Variants in SLC7A2 observed in about 807,000 individuals in gnomAD.
SLC7A2 encodes the protein cationic amino acid transporter 2.
In SLC7A2, 48 loss-of-function variants were observed where a neutral mutation model predicts 58.9. The ratio of observed to expected loss-of-function variants is 0.82; its 90% CI spans 0.65 to 1.04. The LOEUF is 1.04. SLC7A2 is among the 50% of genes least tolerant of loss of function. SLC7A2 has a pLI of 0.00. For missense variants in SLC7A2, 1,029 were observed against 818.8 expected, an observed-to-expected ratio of 1.26 and a Z score of -3.13; for synonymous variants, 363 against 314.5, an observed-to-expected ratio of 1.15 and a Z score of -1.63.
intron 2 of SLC7A2, among the ~76,000 whole-genome samples, chr8:17,517,749 C>G (rs1800859463): frequency 6.6e-6 from 1 of 152,068 alleles, no homozygotes. Flanking sequence ...TTTTACAATT[C>G]TGAAGTCTTT....
chr8:17,508,182 A>C (rs1299592903), intron 2 of SLC7A2, among the ~76,000 whole-genome samples: 4 of 152,300 alleles, frequency 2.6e-5, no homozygotes, highest in South Asian at 4.1e-4. Flanking sequence ...AACCAAACAA[A>C]AAAAGAGCAG....
At position 17,564,963 on chromosome 8, in the gene SLC7A2, CT is replaced by C; in HGVS notation, c.1798del (p.Ser600LeufsTer12). On this transcript the variant is annotated frameshift_variant, in exon 13 of 13. Coordinates refer to ENST00000494857, the MANE Select transcript of SLC7A2 (RefSeq NM_001370338.1). LOFTEE classifies it high-confidence loss of function. ...CTGCCCCAACAGGCTTCCTGATTTACTTTTCTTATGGCATTAGACACAGCCT... is the reference window on the plus strand; with the variant it reads ...CTGCCCCAACAGGCTTCCTGATTTACTTTCTTATGGCATTAGACACAGCCT... ...IWMAIGFLIY[F>X]SYGIRHSLEG... The C allele has an allele frequency of 6.4e-7, 1 of 1,574,648 alleles. No individual in the cohort carries two copies. Among genetic ancestry groups the C allele is most frequent in the Non-Finnish European group, 8.6e-7 (1 of 1,164,196 alleles).
chr8:17,517,252 A>G (rs1800839520), intron 2 of SLC7A2, among the ~76,000 whole-genome samples: 1 of 152,190 alleles, frequency 6.6e-6, no homozygotes, highest in Admixed American at 6.5e-5. Context: ...GGTTCCTGAT[A>G]TTATCAGAGG....
At chr8:17,517,675 A>G (rs1217979521) in intron 2 of SLC7A2, among the ~76,000 whole-genome samples, 1 of 151,910 alleles carries the variant, frequency 6.6e-6, no homozygotes, top group Non-Finnish European at 1.5e-5. Context: ...TAACTATTAC[A>G]TTTTCAGTTT....
intron 12 of SLC7A2, 84 bp from the exon 13 acceptor site, chr8:17,564,866 G>C (rs1047088920): frequency 8.8e-7 from 1 of 1,142,720 alleles, no homozygotes; most frequent in African/African-American, 1.6e-5. Context: ...ACTCTATTAA[G>C]TTCTACATTT....
intron 2 of SLC7A2, among the ~76,000 whole-genome samples, chr8:17,535,133 A>G (rs77605203): frequency 0.062 from 9,504 of 152,186 alleles, 340 homozygotes; most frequent in African/African-American, 0.092. Context: ...TATTGCCACC[A>G]GGGTCAAGTT....
intron 2 of SLC7A2, among the ~76,000 whole-genome samples, chr8:17,516,967 C>T (rs949895305): frequency 3.3e-5 from 5 of 152,174 alleles, no homozygotes; most frequent in African/African-American, 1.2e-4. Context: ...TCCCTGTCCC[C>T]ACAATCAACA....
chr8:17,563,456 CT>C, intron 11 of SLC7A2, 146 bp from the exon 12 acceptor site: 1 of 578,988 alleles, frequency 1.7e-6, no homozygotes, highest in African/African-American at 1.9e-5. Context: ...TGTGATTCTC[CT>C]TTTATGGTCT....
In SLC7A2 at chr8:17,567,907, CA is replaced by C. The variant is rs1803338582; in HGVS notation, c.*2762del. The stretch of plus-strand genomic sequence containing the variant: ...GGGATTCCTGTTTACTTGCTGCTGC[CA>C]CACCTTTTCCGACTGATCTGTCCTG... On this transcript the variant is annotated 3_prime_UTR_variant, in exon 13 of 13. Transcript: ENST00000494857. 1 of 152,050 alleles carries C rather than the reference CA, an allele frequency of 6.6e-6. No homozygotes were observed. Among genetic ancestry groups the C allele is most frequent in the Non-Finnish European group, 1.5e-5 (1 of 68,032 alleles). The allele number at this position is 152,050 out of a possible 1,614,324, so 9.4% of individuals were successfully genotyped here.
At chr8:17,518,415 T>A (rs1800885080) in intron 2 of SLC7A2, among the ~76,000 whole-genome samples, 1 of 152,194 alleles carries the variant, frequency 6.6e-6, no homozygotes, top group African/African-American at 2.4e-5. Flanking sequence ...CAGTTTAGAA[T>A]GTGTACTTCA....
At chr8:17,561,763 C>T (rs1165691056) in intron 10 of SLC7A2, among the ~76,000 whole-genome samples, 181 bp from the exon 11 acceptor site, 1 of 152,166 alleles carries the variant, frequency 6.6e-6, no homozygotes, top group Non-Finnish European at 1.5e-5. Context: ...GTTCTTAAAT[C>T]CCTGCAACTG....
chr8:17,521,408 T>C (rs1347673416), intron 2 of SLC7A2, among the ~76,000 whole-genome samples: 1 of 152,234 alleles, frequency 6.6e-6, no homozygotes. Context: ...AGGATTCTGA[T>C]ATTTCCTTGA....
intron 2 of SLC7A2, among the ~76,000 whole-genome samples, chr8:17,503,868 A>G (rs966726785): frequency 7.9e-5 from 12 of 152,154 alleles, no homozygotes; most frequent in Admixed American, 2.0e-4. Flanking sequence ...GATTTAAGCA[A>G]TTGTTTGGGA....
chr8:17,523,648 A>G (rs1563447570), intron 2 of SLC7A2, among the ~76,000 whole-genome samples: 1 of 152,230 alleles, frequency 6.6e-6, no homozygotes, highest in Non-Finnish European at 1.5e-5. Context: ...AAGACCTGAA[A>G]TCATAAAAGT....
At chr8:17,529,004 C>A (rs755962673) in intron 2 of SLC7A2, among the ~76,000 whole-genome samples, 1 of 151,854 alleles carries the variant, frequency 6.6e-6, no homozygotes, top group Non-Finnish European at 1.5e-5. Context: ...CTCTAGGGTC[C>A]CCACAAAAAG....
rs187159342 is a variant in SLC7A2, at chr8:17,566,982, T to G, written c.*1836T>G. On this transcript the variant is annotated 3_prime_UTR_variant, in exon 13 of 13. Coordinates refer to ENST00000494857, the MANE Select transcript of SLC7A2 (RefSeq NM_001370338.1). ...GCGATGGTTTTGTATAGCCAGGAGT[T>G]TATTGTGATTAAACATCAAAGAAAC... is the stretch of plus-strand genomic sequence containing the variant. The G allele has an allele frequency of 5.2e-5, 8 of 152,692 alleles. No homozygotes were observed. Among genetic ancestry groups the G allele is most frequent in the African/African-American group, 1.9e-4 (8 of 41,554 alleles). The allele number at this position is 152,692 out of a possible 1,614,324, so 9.5% of individuals were successfully genotyped here.
rs1036124357 is a variant in SLC7A2 at position 17,497,113 on chromosome 8, C to T, written c.-193C>T. On this transcript the variant is annotated 5_prime_UTR_variant, in exon 1 of 13. Transcript: ENST00000494857. ...CTCCTTCTGCAGCGCGGCCGGCGGG[C>T]GCTCCTCTTCGCGGGACCAGCGAGG... The T allele has an allele frequency of 2.0e-5, 3 of 151,098 alleles. No individual in the cohort carries two copies. Among genetic ancestry groups the T allele is most frequent in the Non-Finnish European group, 4.4e-5 (3 of 67,614 alleles). 9.4% of individuals were successfully genotyped at this position (151,098 alleles called of 1,614,324 possible).
intron 8 of SLC7A2, among the ~76,000 whole-genome samples, chr8:17,557,443 A>G (rs1374508011): frequency 6.6e-6 from 1 of 152,186 alleles, no homozygotes; most frequent in Non-Finnish European, 1.5e-5. Context: ...TCTACCTGGA[A>G]TGCATGGCTT....
intron 2 of SLC7A2, among the ~76,000 whole-genome samples, chr8:17,527,418 C>G (rs1215189303): frequency 1.3e-5 from 2 of 152,100 alleles, no homozygotes. Flanking sequence ...AAATATAGAC[C>G]TCGATTTCAA....
Sources: allele counts gnomAD v4.1 joint callset (sites outside exome capture counted in the v4.1 genomes callset), GRCh38; gene constraint gnomAD v4.1.1; transcripts MANE v1.5; gene names NCBI Gene and HGNC (gene_info 2026-07-23, HGNC 2026-07-21).